Variants in MRPS9 observed in about 807,000 individuals in gnomAD.
MRPS9 encodes the protein mitochondrial ribosomal protein S9, also known as small ribosomal subunit protein uS9m.
In MRPS9, 45 loss-of-function variants were observed where a neutral mutation model predicts 59.9. The ratio of observed to expected loss-of-function variants is 0.75; its 90% CI spans 0.59 to 0.96. MRPS9 has a LOEUF of 0.96. MRPS9 is among the 40% of genes least tolerant of loss of function. The pLI, the probability that MRPS9 is intolerant of heterozygous loss-of-function variation, is 0.00. For missense variants in MRPS9, 473 were observed against 481.1 expected, an observed-to-expected ratio of 0.98 and a Z score of 0.16; for synonymous variants, 171 against 166.8, an observed-to-expected ratio of 1.03 and a Z score of -0.19.
chr2:105,049,360 G>A lies in MRPS9; in HGVS notation c.315+10G>A. ...TCAAGAAGATATTGACGTAAGTACA[G>A]TTACTCTGTTGAAAAAGTAATTGCT... is the stretch of plus-strand genomic sequence containing the variant. On this transcript the variant is annotated intron_variant, in intron 2 of 10. Coordinates refer to ENST00000258455, the MANE Select transcript of MRPS9 (RefSeq NM_182640.3). The A allele has an allele frequency of 6.3e-7, 1 of 1,595,982 alleles. No individual in the cohort carries two copies. Among genetic ancestry groups the A allele is most frequent in the South Asian group, 1.1e-5 (1 of 87,374 alleles).
chr2:105,041,454 T>A (rs971279644), intron 1 of MRPS9, among the ~76,000 whole-genome samples: 2 of 152,142 alleles, frequency 1.3e-5, no homozygotes, highest in African/African-American at 4.8e-5. Flanking sequence ...AAGTGATCAA[T>A]GACATTAAAT....
intron 1 of MRPS9, among the ~76,000 whole-genome samples, chr2:105,043,149 G>A (rs1201897125): frequency 2.6e-5 from 4 of 152,102 alleles, no homozygotes; most frequent in African/African-American, 9.7e-5. Flanking sequence ...TTCCCTGAAT[G>A]TCCCAACAGT....
chr2:105,041,655 G>A (rs1679505666), intron 1 of MRPS9, among the ~76,000 whole-genome samples: 1 of 151,862 alleles, frequency 6.6e-6, no homozygotes, highest in African/African-American at 2.4e-5. Context: ...AAAACGCTTT[G>A]AAAAACAAAT....
chr2:105,047,473 T>C (rs573285210), intron 1 of MRPS9, among the ~76,000 whole-genome samples: 2 of 152,090 alleles, frequency 1.3e-5, no homozygotes, highest in African/African-American at 2.4e-5. Context: ...TTTAGGACTC[T>C]TGGAAGGGAA....
intron 1 of MRPS9, 119 bp downstream of exon 1, chr2:105,038,346 A>AT (rs1368599803): frequency 3.7e-6 from 5 of 1,346,498 alleles, no homozygotes; most frequent in Non-Finnish European, 4.0e-6. Context: ...GATCTTAGGT[A>AT]TTTAGTGGAG....
At chr2:105,046,594 C>T (rs568724540) in intron 1 of MRPS9, among the ~76,000 whole-genome samples, 52 of 151,970 alleles carry the variant, frequency 3.4e-4, no homozygotes, top group African/African-American at 1.2e-3. Context: ...AATTTGAACG[C>T]ATCACTTTCC....
chr2:105,082,162 G>T (rs1459885955), intron 5 of MRPS9, among the ~76,000 whole-genome samples: 1 of 152,198 alleles, frequency 6.6e-6, no homozygotes, highest in Non-Finnish European at 1.5e-5. Flanking sequence ...ACTGCAGCAC[G>T]GGAGGTCGCC....
chr2:105,085,549 T>C (rs1680429916), intron 5 of MRPS9, among the ~76,000 whole-genome samples: 1 of 152,162 alleles, frequency 6.6e-6, no homozygotes, highest in Non-Finnish European at 1.5e-5. Context: ...AGAAGGATAC[T>C]AAAAATCATA....
At chr2:105,080,549 C>G (rs1372243800) in intron 5 of MRPS9, among the ~76,000 whole-genome samples, 2 of 152,036 alleles carry the variant, frequency 1.3e-5, no homozygotes, top group Admixed American at 6.6e-5. Context: ...TATTTTATTA[C>G]AGTTTGACTT....
chr2:105,048,120 G>T (rs931535452), intron 1 of MRPS9, among the ~76,000 whole-genome samples: 11 of 151,974 alleles, frequency 7.2e-5, no homozygotes, highest in African/African-American at 2.7e-4. Flanking sequence ...AACAATGATA[G>T]ACTGGATTAA....
intron 2 of MRPS9, among the ~76,000 whole-genome samples, chr2:105,049,783 A>G (rs538024760): frequency 1.4e-3 from 213 of 152,336 alleles, no homozygotes; most frequent in African/African-American, 3.9e-3. Flanking sequence ...AATTAGGATC[A>G]GAATTCTATT....
intron 7 of MRPS9, among the ~76,000 whole-genome samples, chr2:105,090,258 C>G (rs1680533257): frequency 6.6e-6 from 1 of 152,176 alleles, no homozygotes; most frequent in South Asian, 2.1e-4. Context: ...GCCCTCATAT[C>G]CTGTGCCAGT....
intron 10 of MRPS9, 100 bp from the exon 11 acceptor site, chr2:105,099,570 T>G: frequency 8.8e-7 from 1 of 1,136,178 alleles, no homozygotes; most frequent in Non-Finnish European, 1.2e-6. Context: ...CCTCTAGTTT[T>G]TTTTCTCAGA....
chr2:105,065,140 T>C (rs1679976675), intron 2 of MRPS9, among the ~76,000 whole-genome samples: 1 of 152,232 alleles, frequency 6.6e-6, no homozygotes, highest in Non-Finnish European at 1.5e-5. Flanking sequence ...AAATATTTGT[T>C]GAGTAAAATG....
intron 4 of MRPS9, among the ~76,000 whole-genome samples, chr2:105,079,166 G>A (rs376919965): frequency 2.6e-5 from 4 of 152,152 alleles, no homozygotes; most frequent in Admixed American, 6.5e-5. Flanking sequence ...TAAACTTCTC[G>A]ATTATGAAAG....
At chr2:105,089,118 CAT>C in intron 6 of MRPS9, 49 bp downstream of exon 6, 5 of 1,387,946 alleles carry the variant, frequency 3.6e-6, no homozygotes, top group Non-Finnish European at 5.1e-6. Context: ...GAACTAAAAA[CAT>C]GCCACTCATT....
intron 10 of MRPS9, among the ~76,000 whole-genome samples, chr2:105,097,799 C>G (rs746123170): frequency 2.0e-5 from 3 of 152,170 alleles, no homozygotes; most frequent in African/African-American, 7.2e-5. Flanking sequence ...CTTCTGGGCT[C>G]GAGCAATCCT....
Position 105,038,106 on chromosome 2 carries a change from G to C in MRPS9, c.14G>C (p.Cys5Ser). 1 of 1,613,934 alleles carries C rather than the reference G, an allele frequency of 6.2e-7. No individual in the cohort carries two copies. Among genetic ancestry groups the C allele is most frequent in the Non-Finnish European group, 8.5e-7 (1 of 1,179,998 alleles). MAAPCVSYGGAVSYR... is the reference protein window; with the variant it reads MAAPSVSYGGAVSYR... Reference sequence around the variant, plus strand: ...CCCACAGCTAACATGGCGGCGCCCTGTGTGTCCTACGGCGGAGCAGTTTCG... The same window carrying C: ...CCCACAGCTAACATGGCGGCGCCCTCTGTGTCCTACGGCGGAGCAGTTTCG... Residue 5 changes from cysteine to serine, a missense_variant, in exon 1 of 11, where the codon TGT becomes TCT. By Grantham distance (112) the Cys-to-Ser change is moderately radical. Coordinates refer to ENST00000258455, the MANE Select transcript of MRPS9 (RefSeq NM_182640.3).
intron 2 of MRPS9, among the ~76,000 whole-genome samples, chr2:105,062,726 G>A (rs2104449407): frequency 6.6e-6 from 1 of 152,310 alleles, no homozygotes; most frequent in East Asian, 1.9e-4. Context: ...AAATGGAATT[G>A]ATAGTAAATA....
Sources: gnomAD v4.1 joint callset for allele counts (sites outside exome capture counted in the v4.1 genomes callset) on GRCh38, gnomAD v4.1.1 for gene constraint, MANE v1.5 for transcripts, NCBI Gene and HGNC (gene_info 2026-07-23, HGNC 2026-07-21) for gene names.